DCAF6: variants seen among roughly 807,000 people sequenced by gnomAD.
DCAF6 encodes DDB1- and CUL4-associated factor 6.
Under a neutral mutation model 125.1 loss-of-function variants are expected in DCAF6, and 54 were observed. That is an observed-to-expected ratio of 0.43 (90% CI 0.35 to 0.54). The LOEUF is 0.54. DCAF6 is among the 20% of genes least tolerant of loss of function. The probability of loss-of-function intolerance (pLI) is 0.01; values close to 1 mark genes in which losing one functional copy is unlikely to be tolerated. For synonymous variants in DCAF6, 371 were observed against 390.4 expected (o/e 0.95, Z 0.58); for missense variants, 934 against 1,161.7 (o/e 0.80, Z 2.85).
chr1:167,909,560 T>C, the DCAF6 span, among the ~76,000 whole-genome samples: 1 of 152,320 alleles, frequency 6.6e-6, no homozygotes, highest in South Asian at 2.1e-4. Context: ...TTTGTGATTT[T>C]TTTTTCTTAG....
intron 21 of DCAF6, among the ~76,000 whole-genome samples, chr1:168,071,408 A>C (rs1333279829): frequency 6.6e-6 from 1 of 152,166 alleles, no homozygotes; most frequent in Non-Finnish European, 1.5e-5. Flanking sequence ...ATTCAAGACC[A>C]GCCTCGCCAA....
chr1:168,007,962 CTTTTTT>C (rs35185748), intron 10 of DCAF6, among the ~76,000 whole-genome samples: 4 of 67,480 alleles, frequency 5.9e-5, no homozygotes, highest in East Asian at 1.1e-3. Flanking sequence ...TGTTGTACAT[CTTTTTT>C]TTTTTTTTTT....
intron 11 of DCAF6, among the ~76,000 whole-genome samples, chr1:168,017,456 G>C (rs1168357054): frequency 6.6e-6 from 1 of 152,030 alleles, no homozygotes; most frequent in East Asian, 1.9e-4. Flanking sequence ...AAAATATTTT[G>C]AGATTCACTA....
chr1:167,967,064 C>G (rs2272911), intron 3 of DCAF6, among the ~76,000 whole-genome samples: 1 of 151,734 alleles, frequency 6.6e-6, no homozygotes, highest in East Asian at 1.9e-4. Flanking sequence ...TTATGTGTTA[C>G]CTTAATATAT....
chr1:167,989,729 A>G (rs575074563), intron 5 of DCAF6, among the ~76,000 whole-genome samples: 3 of 152,238 alleles, frequency 2.0e-5, no homozygotes, highest in East Asian at 3.9e-4. Context: ...CTAAAAATAC[A>G]AAATAGCCAG....
chr1:168,004,910 T>TTGTC, intron 10 of DCAF6, 117 bp downstream of exon 10: 1 of 1,166,584 alleles, frequency 8.6e-7, no homozygotes, highest in Non-Finnish European at 1.2e-6. Flanking sequence ...ATGATCAAAA[T>TTGTC]GACATGTAAT....
the DCAF6 span, among the ~76,000 whole-genome samples, chr1:167,900,878 A>G: frequency 6.6e-6 from 1 of 152,188 alleles, no homozygotes; most frequent in Non-Finnish European, 1.5e-5. Context: ...TAGGTTAAAG[A>G]AGGCTGAGAA....
the DCAF6 span, among the ~76,000 whole-genome samples, chr1:167,904,310 A>G: frequency 6.6e-6 from 1 of 151,614 alleles, no homozygotes; most frequent in African/African-American, 2.4e-5. Flanking sequence ...ATGGTCTCGA[A>G]CTCCTGACCT....
At chr1:168,000,976 T>TA (rs1259710745) in intron 7 of DCAF6, among the ~76,000 whole-genome samples, 1 of 152,156 alleles carries the variant, frequency 6.6e-6, no homozygotes, top group African/African-American at 2.4e-5. Context: ...TTATGAATAT[T>TA]ATGGTATGTG....
rs564995129 is a variant in DCAF6 at position 168,052,892 on chromosome 1, G to A, written c.2300+1959G>A. Among the ~76,000 whole-genome samples the A allele has an allele frequency of 1.7e-3, 256 of 152,212 alleles. 1 individual carries two copies. The highest frequency in any genetic ancestry group is 6.8e-3 in the Middle Eastern group (2 of 294). ...AGTTCTCCATTGTTTATGATATAAA[G>A]AAGAAACAAACCCAGCTTCCTTGCC... is the stretch of plus-strand genomic sequence containing the variant. On this transcript the variant is annotated intron_variant, in intron 17 of 21. Coordinates refer to ENST00000367840, the MANE Select transcript of DCAF6 (RefSeq NM_001198956.2).
At chr1:168,023,302 A>G (rs1012453668) in intron 12 of DCAF6, 27 of 550,480 alleles carry the variant, frequency 4.9e-5, no homozygotes, top group Non-Finnish European at 7.8e-5. Flanking sequence ...TAACAAAATT[A>G]TAATGGATAC....
chr1:168,072,294 T>TTAAAAAAA (rs1693164135), intron 21 of DCAF6, among the ~76,000 whole-genome samples: 2 of 41,016 alleles, frequency 4.9e-5, no homozygotes, highest in African/African-American at 1.6e-4. Context: ...AGAATCAGTC[T>TTAAAAAAA]AAAAAAAAAA....
chr1:168,009,386 C>CCTTTCTTT (rs1291602671), intron 10 of DCAF6, among the ~76,000 whole-genome samples: 33 of 75,620 alleles, frequency 4.4e-4, no homozygotes, highest in African/African-American at 1.7e-3. Context: ...TTCCTTCCTT[C>CCTTTCTTT]CTTTCTTTCT....
At chr1:168,033,008 G>A (rs894081416) in intron 12 of DCAF6, among the ~76,000 whole-genome samples, 2 of 150,174 alleles carry the variant, frequency 1.3e-5, no homozygotes, top group African/African-American at 5.0e-5. Flanking sequence ...AAAATACTCA[G>A]CATTTTTTTT....
chr1:168,064,403 T>A (rs1302435311), intron 18 of DCAF6, among the ~76,000 whole-genome samples: 5 of 152,282 alleles, frequency 3.3e-5, no homozygotes, highest in Non-Finnish European at 5.9e-5. Context: ...AGTGTTGTTC[T>A]CCTCATATAC....
intron 12 of DCAF6, among the ~76,000 whole-genome samples, chr1:168,027,775 T>C (rs182439023): frequency 6.6e-6 from 1 of 152,244 alleles, no homozygotes; most frequent in East Asian, 1.9e-4. Context: ...GTATACACAG[T>C]ATTAAACTGG....
Position 167,936,918 on chromosome 1 carries a change from C to A in DCAF6, c.7C>A (p.Arg3=). The change falls in exon 1 of 22, where the codon CGG becomes AGG. Residue 3 remains arginine (R), a synonymous_variant. Transcript: ENST00000367840. ...ACCCGGCTCAGGCAGAGCCATGTCTCGGGGTGGCTCCTACCCACACCTGTT... is the reference window on the plus strand; with the variant it reads ...ACCCGGCTCAGGCAGAGCCATGTCTAGGGGTGGCTCCTACCCACACCTGTT... The part of the protein sequence containing the change: MS[R]GGSYPHLLWD... 1 of 1,603,510 alleles carries A rather than the reference C, an allele frequency of 6.2e-7. No individual in the cohort carries two copies.
chr1:167,889,366 C>G, the DCAF6 span, among the ~76,000 whole-genome samples: 1 of 152,054 alleles, frequency 6.6e-6, no homozygotes, highest in African/African-American at 2.4e-5. Flanking sequence ...GTAGATAAGA[C>G]ATATCACAGT....
At chr1:167,991,719 G>A (rs1432158484) in intron 6 of DCAF6, among the ~76,000 whole-genome samples, 2 of 152,092 alleles carry the variant, frequency 1.3e-5, no homozygotes, top group Admixed American at 1.3e-4. Flanking sequence ...GCTCATGGTG[G>A]TTGCTGCCAA....
Sources: allele counts gnomAD v4.1 joint callset (sites outside exome capture counted in the v4.1 genomes callset), GRCh38; gene constraint gnomAD v4.1.1; transcripts MANE v1.5; gene names NCBI Gene and HGNC (gene_info 2026-07-23, HGNC 2026-07-21).